The following NETO1 variants were observed in gnomAD, a reference collection of about 807,000 sequenced individuals.
NETO1 encodes the protein neuropilin and tolloid-like protein 1.
A neutral mutation model predicts 61.3 loss-of-function variants in NETO1; 26 were observed. That is an observed-to-expected ratio of 0.42 (90% CI 0.31 to 0.59). NETO1 has a LOEUF of 0.59. NETO1 is among the 20% of genes least tolerant of loss of function. The pLI is 0.12. For synonymous variants in NETO1, 225 were observed against 225.8 expected (o/e 1.00, Z 0.03); for missense variants, 531 against 662.8 (o/e 0.80, Z 2.18).
chr18:72,765,637 T>C (rs11659299), intron 7 of NETO1, among the ~76,000 whole-genome samples: 1,556 of 151,980 alleles, frequency 0.01, 28 homozygotes, highest in African/African-American at 0.036. Flanking sequence ...CAGGATGGTC[T>C]TGAACTTCTG....
chr18:72,802,258 T>G (rs1218448138), intron 4 of NETO1, among the ~76,000 whole-genome samples: 1 of 152,078 alleles, frequency 6.6e-6, no homozygotes, highest in Middle Eastern at 3.2e-3. Context: ...CATTGAAATG[T>G]CTCACAGTTA....
rs778836106 is a variant in NETO1, at chr18:72,750,308, T to C, written c.1295A>G (p.His432Arg). 3.4e-5 allele frequency: 55 copies of C among 1,613,976 alleles called. No individual in the cohort carries two copies. The highest frequency in any genetic ancestry group is 4.2e-5 in the Non-Finnish European group (49 of 1,179,998). ...RSSSKCIHDH[H>R]CGSQLSSTKG... ...AGTGCTGGACAGCTGTGATCCACAG[T>C]GATGGTCATGAATGCATTTGGAAGA... The change falls in exon 9 of 11, where the codon CAC (histidine) becomes CGC (arginine). Residue 432 changes from histidine to arginine, a missense_variant. Coordinates refer to ENST00000327305, the MANE Select transcript of NETO1 (RefSeq NM_138966.5).
At chr18:72,866,558 C>G (rs2145707286) in intron 1 of NETO1, among the ~76,000 whole-genome samples, 1 of 152,222 alleles carries the variant, frequency 6.6e-6, no homozygotes, top group South Asian at 2.1e-4. Flanking sequence ...CATTATAGAC[C>G]ACGTACTGTG....
intron 7 of NETO1, among the ~76,000 whole-genome samples, chr18:72,778,199 G>A (rs1038587003): frequency 3.3e-5 from 5 of 152,158 alleles, no homozygotes; most frequent in Non-Finnish European, 7.3e-5. Flanking sequence ...ATGAGAGGCA[G>A]GCGCAGTGAT....
chr18:72,843,758 C>T (rs759677970), intron 4 of NETO1, among the ~76,000 whole-genome samples: 14 of 152,128 alleles, frequency 9.2e-5, no homozygotes, highest in Admixed American at 6.5e-4. Context: ...AAATATAAAG[C>T]GTATTTTTAG....
At chr18:72,865,665 C>A in intron 1 of NETO1, 1 of 1,569,804 alleles carries the variant, frequency 6.4e-7, no homozygotes, top group East Asian at 2.3e-5. Context: ...GAGAACAGCT[C>A]CATGACTGTT....
At chr18:72,829,346 T>C (rs755234760) in intron 4 of NETO1, among the ~76,000 whole-genome samples, 69 of 152,168 alleles carry the variant, frequency 4.5e-4, no homozygotes, top group Non-Finnish European at 7.5e-4. Context: ...AATCTTGATT[T>C]TCCTTAAAGA....
intron 4 of NETO1, among the ~76,000 whole-genome samples, chr18:72,843,914 G>A (rs1005510877): frequency 6.6e-6 from 1 of 152,134 alleles, no homozygotes; most frequent in Non-Finnish European, 1.5e-5. Flanking sequence ...AAGCGTATTA[G>A]CTCAAACTCA....
rs76667358 is a variant in NETO1, at chr18:72,762,627, A to G, written c.869-6480T>C. Reference sequence around the variant, plus strand: ...TCTTTCAGATTTTTAAATCAGGAAAATAGTTTTTACATAGCACCTTTGCTT... The same window carrying G: ...TCTTTCAGATTTTTAAATCAGGAAAGTAGTTTTTACATAGCACCTTTGCTT... On this transcript the variant is annotated intron_variant, in intron 7 of 10. Coordinates refer to ENST00000327305, the MANE Select transcript of NETO1 (RefSeq NM_138966.5). 9.1e-3 allele frequency among the ~76,000 whole-genome samples: 1,382 copies of G among 152,306 alleles called. 16 individuals are homozygous for G. Among genetic ancestry groups the G allele is most frequent in the African/African-American group, 0.031 (1,301 of 41,566 alleles).
At chr18:72,841,485 C>T (rs944290516) in intron 4 of NETO1, among the ~76,000 whole-genome samples, 2 of 152,008 alleles carry the variant, frequency 1.3e-5, no homozygotes, top group African/African-American at 4.8e-5. Flanking sequence ...GCAACCCCAA[C>T]ACTTTGGGAG....
chr18:72,823,172 C>T (rs557539991), intron 4 of NETO1, among the ~76,000 whole-genome samples: 53 of 152,160 alleles, frequency 3.5e-4, no homozygotes, highest in African/African-American at 1.2e-3. Flanking sequence ...TTTCCGTATT[C>T]CAGACATTAT....
intron 4 of NETO1, among the ~76,000 whole-genome samples, chr18:72,818,009 G>A (rs373682401): frequency 8.9e-4 from 136 of 152,270 alleles, no homozygotes; most frequent in African/African-American, 3.2e-3. Flanking sequence ...TGAGATGATT[G>A]CAACTCGGGC....
chr18:72,749,098 T>TA lies in NETO1; in HGVS notation c.1542-11dup, dbSNP rs2070503687. On this transcript the variant is annotated splice_polypyrimidine_tract_variant and intron_variant, in intron 9 of 10. Coordinates refer to ENST00000327305, the MANE Select transcript of NETO1 (RefSeq NM_138966.5). ...CCCAATGAGGCAGAACCTGGAATGT[T>TA]ATGGCTATTTCATTCAACAAAGTAC... 1 of 1,530,606 alleles carries TA rather than the reference T, an allele frequency of 6.5e-7. No individual in the cohort carries two copies. Among genetic ancestry groups the TA allele is most frequent in the Non-Finnish European group, 9.0e-7 (1 of 1,104,984 alleles). The allele number at this position is 1,530,606 out of a possible 1,614,324, so 94.8% of individuals were successfully genotyped here.
intron 4 of NETO1, among the ~76,000 whole-genome samples, chr18:72,840,094 T>C (rs140567784): frequency 2.9e-3 from 438 of 152,338 alleles, no homozygotes; most frequent in South Asian, 0.011. Flanking sequence ...TCAGTCTTTG[T>C]GAATCCTCAT....
intron 4 of NETO1, among the ~76,000 whole-genome samples, chr18:72,821,196 C>G (rs1363702295): frequency 1.5e-5 from 2 of 134,412 alleles, no homozygotes; most frequent in African/African-American, 5.8e-5. Flanking sequence ...TCTCCTGAAG[C>G]AGTTTTTTCT....
At chr18:72,774,854 A>G (rs8083441) in intron 7 of NETO1, among the ~76,000 whole-genome samples, 45,699 of 152,174 alleles carry the variant, frequency 0.3, 8,025 homozygotes, top group South Asian at 0.48. Context: ...TAGACTAAAC[A>G]TTTTGTGTGA....
chr18:72,794,685 A>G (rs2072252243), intron 4 of NETO1, among the ~76,000 whole-genome samples: 1 of 152,192 alleles, frequency 6.6e-6, no homozygotes, highest in Non-Finnish European at 1.5e-5. Context: ...TCAAATAAAA[A>G]TCTTACTCAT....
intron 4 of NETO1, among the ~76,000 whole-genome samples, chr18:72,812,147 A>G (rs2072888632): frequency 6.6e-6 from 1 of 152,224 alleles, no homozygotes; most frequent in Non-Finnish European, 1.5e-5. Flanking sequence ...ATTATATGAA[A>G]TAAGTACAAT....
intron 4 of NETO1, among the ~76,000 whole-genome samples, chr18:72,816,107 TC>T (rs1020480115): frequency 4.8e-5 from 7 of 146,204 alleles, no homozygotes; most frequent in African/African-American, 1.8e-4. Flanking sequence ...CCTCCACCCC[TC>T]CCCCTGCAAT....
Sources: gnomAD v4.1 joint callset for allele counts (sites outside exome capture counted in the v4.1 genomes callset) on GRCh38, gnomAD v4.1.1 for gene constraint, MANE v1.5 for transcripts, NCBI Gene and HGNC (gene_info 2026-07-23, HGNC 2026-07-21) for gene names.